Variants in PREX2 observed in about 807,000 individuals in gnomAD.
PREX2 encodes phosphatidylinositol 3,4,5-trisphosphate-dependent Rac exchanger 2 protein.
A neutral mutation model predicts 203.2 loss-of-function variants in PREX2; 107 were observed. The observed-to-expected ratio is 0.53, with a 90% CI of 0.45 to 0.62. PREX2 has a LOEUF of 0.62. PREX2 is among the 20% of genes least tolerant of loss of function. The pLI, the probability that PREX2 is intolerant of heterozygous loss-of-function variation, is 0.00. For synonymous variants in PREX2, 672 were observed against 663.6 expected (o/e 1.01, Z -0.19); for missense variants, 1,777 against 1,955.9 (o/e 0.91, Z 1.72).
intron 3 of PREX2, among the ~76,000 whole-genome samples, chr8:68,020,148 G>T (rs1807526489): frequency 6.6e-6 from 1 of 152,092 alleles, no homozygotes; most frequent in Non-Finnish European, 1.5e-5. Flanking sequence ...TCAGAAGATT[G>T]TACTGAGCAG....
intron 33 of PREX2, among the ~76,000 whole-genome samples, chr8:68,141,138 C>T (rs574688202): frequency 9.9e-5 from 15 of 152,164 alleles, no homozygotes; most frequent in South Asian, 4.2e-4. Context: ...AAGGGAAATA[C>T]GAGGTGCTTC....
At chr8:68,109,158 T>C (rs780268772) in intron 24 of PREX2, 1 of 485,550 alleles carries the variant, frequency 2.1e-6, no homozygotes, top group Non-Finnish European at 3.8e-6. Flanking sequence ...AGTTAACATA[T>C]TGTATTCTTG....
intron 6 of PREX2, 125 bp from the exon 7 acceptor site, chr8:68,038,034 G>A (rs1461529833): frequency 2.0e-6 from 2 of 977,556 alleles, no homozygotes; most frequent in Non-Finnish European, 3.1e-6. Flanking sequence ...TCTACTGCTT[G>A]CACTTTAGCC....
chr8:68,109,730 A>G, intron 25 of PREX2, 107 bp downstream of exon 25: 1 of 882,646 alleles, frequency 1.1e-6, no homozygotes, highest in Non-Finnish European at 1.8e-6. Context: ...AATTTAGGAG[A>G]TTTGTGCTGA....
intron 4 of PREX2, among the ~76,000 whole-genome samples, chr8:68,026,584 C>T (rs1046053269): frequency 1.3e-5 from 2 of 151,978 alleles, no homozygotes; most frequent in East Asian, 3.9e-4. Context: ...TTCAGTTTCA[C>T]CCCACTCTGA....
intron 7 of PREX2, among the ~76,000 whole-genome samples, chr8:68,044,021 GGA>G (rs1167496403): frequency 7.2e-5 from 11 of 152,126 alleles, no homozygotes; most frequent in African/African-American, 2.4e-4. Flanking sequence ...TTTTATAGCT[GGA>G]TATCACTGAG....
chr8:68,219,803 A>G (rs1812918793), intron 38 of PREX2, among the ~76,000 whole-genome samples: 1 of 152,308 alleles, frequency 6.6e-6, no homozygotes, highest in East Asian at 1.9e-4. Context: ...GGGCCGATCC[A>G]CAAGCCAACT....
intron 34 of PREX2, among the ~76,000 whole-genome samples, chr8:68,156,706 T>G (rs551392526): frequency 1.3e-5 from 2 of 152,104 alleles, no homozygotes; most frequent in African/African-American, 4.8e-5. Context: ...AACCATTTTC[T>G]ACTGAGAAGA....
chr8:68,228,744 C>T (rs373113383), intron 39 of PREX2, among the ~76,000 whole-genome samples: 4 of 149,996 alleles, frequency 2.7e-5, no homozygotes, highest in Non-Finnish European at 5.9e-5. Flanking sequence ...CCAGCCTGGA[C>T]GACAGAGCGA....
Position 68,191,801 on chromosome 8 carries a change from G to A in PREX2, c.4413+13G>A. 6.5e-7 allele frequency: 1 copy of A among 1,544,222 alleles called. No homozygotes were observed. The highest frequency in any genetic ancestry group is 1.2e-5 in the South Asian group (1 of 86,584). ...CTATGTAGATAAGGTAAAAACAGATGATTATATTTATTGGTGCTTTTTAAT... is the reference window on the plus strand; with the variant it reads ...CTATGTAGATAAGGTAAAAACAGATAATTATATTTATTGGTGCTTTTTAAT... On this transcript the variant is annotated intron_variant, in intron 36 of 39. Transcript: ENST00000288368.
intron 35 of PREX2, among the ~76,000 whole-genome samples, chr8:68,165,838 T>A (rs373482694): frequency 2.0e-5 from 3 of 152,178 alleles, no homozygotes; most frequent in East Asian, 3.8e-4. Flanking sequence ...GGGTCCACTT[T>A]CCTAGATATT....
intron 1 of PREX2, among the ~76,000 whole-genome samples, chr8:67,977,787 T>TG (rs1280295132): frequency 6.6e-6 from 1 of 152,124 alleles, no homozygotes; most frequent in African/African-American, 2.4e-5. Flanking sequence ...GTACTAGGTT[T>TG]GGGGGGCTTC....
At chr8:68,195,951 A>G (rs1197561280) in intron 37 of PREX2, among the ~76,000 whole-genome samples, 3 of 152,234 alleles carry the variant, frequency 2.0e-5, no homozygotes, top group Non-Finnish European at 4.4e-5. Flanking sequence ...ATTAATGTCT[A>G]GATGTTTTAA....
chr8:68,016,378 A>C (rs946349138), intron 1 of PREX2, among the ~76,000 whole-genome samples: 2 of 152,150 alleles, frequency 1.3e-5, no homozygotes, highest in East Asian at 3.9e-4. Flanking sequence ...TCGTATACAC[A>C]TGTATGTGTA....
At chr8:68,132,158 TTTTA>T (rs1458740506) in intron 31 of PREX2, among the ~76,000 whole-genome samples, 5 of 152,158 alleles carry the variant, frequency 3.3e-5, no homozygotes, top group Non-Finnish European at 2.9e-5. Flanking sequence ...CATTTCACTT[TTTTA>T]TTTATTTTTA....
At chr8:68,187,704 G>A (rs1429299905) in intron 35 of PREX2, among the ~76,000 whole-genome samples, 1 of 152,152 alleles carries the variant, frequency 6.6e-6, no homozygotes, top group African/African-American at 2.4e-5. Context: ...GTACTTCTGT[G>A]CGTTCCAGCT....
intron 1 of PREX2, among the ~76,000 whole-genome samples, chr8:68,008,859 G>GC (rs1452482188): frequency 6.6e-6 from 1 of 152,116 alleles, no homozygotes; most frequent in Non-Finnish European, 1.5e-5. Flanking sequence ...ATGATTGTGA[G>GC]CCCTCCCCAG....
intron 17 of PREX2, among the ~76,000 whole-genome samples, chr8:68,081,808 C>T (rs1008446749): frequency 1.3e-5 from 2 of 152,026 alleles, no homozygotes; most frequent in African/African-American, 4.8e-5. Context: ...GATTCTCCTG[C>T]CTCAGCCTCC....
chr8:68,140,891 GAAT>G (rs1378115260), intron 33 of PREX2, among the ~76,000 whole-genome samples: 3 of 152,162 alleles, frequency 2.0e-5, no homozygotes, highest in South Asian at 2.1e-4. Flanking sequence ...TGCATGAAAA[GAAT>G]AATGAGATTC....
Sources: gnomAD v4.1 joint callset for allele counts (sites outside exome capture counted in the v4.1 genomes callset) on GRCh38, gnomAD v4.1.1 for gene constraint, MANE v1.5 for transcripts, NCBI Gene and HGNC (gene_info 2026-07-23, HGNC 2026-07-21) for gene names.